TSPAN9: variants seen among roughly 807,000 people sequenced by gnomAD.
TSPAN9 encodes the protein tetraspanin 9, also known as tetraspanin-9.
Under a neutral mutation model 31.0 loss-of-function variants are expected in TSPAN9, and 16 were observed. The ratio of observed to expected loss-of-function variants is 0.52; its 90% CI spans 0.35 to 0.78. The LOEUF is 0.78. Among genes scored for constraint, TSPAN9 ranks in the 30% least tolerant of loss-of-function variants. The pLI, the probability that TSPAN9 is intolerant of heterozygous loss-of-function variation, is 0.01. For missense variants in TSPAN9, 272 were observed against 312.5 expected, an observed-to-expected ratio of 0.87 and a Z score of 0.98; for synonymous variants, 145 against 121.6, an observed-to-expected ratio of 1.19 and a Z score of -1.27.
In TSPAN9 at chr12:3,258,065, G is replaced by T. The variant is rs115146486; in HGVS notation, c.64-20356G>T. On this transcript the variant is annotated intron_variant, in intron 3 of 8. Transcript: ENST00000011898. The stretch of plus-strand genomic sequence containing the variant: ...GGTCAGCTCATGGAAGACCTTGAGT[G>T]CAGGGCAGAGGATTTGGGCTCCACT... Among the ~76,000 whole-genome samples the T allele has an allele frequency of 4.4e-3, 673 of 152,316 alleles. 7 individuals are homozygous for T. The highest frequency in any genetic ancestry group is 0.014 in the African/African-American group (595 of 41,556).
At chr12:3,232,271 GTT>G (rs61523742) in intron 3 of TSPAN9, among the ~76,000 whole-genome samples, 4 of 146,564 alleles carry the variant, frequency 2.7e-5, no homozygotes, top group Non-Finnish European at 4.5e-5. Context: ...CTTCTGTTAT[GTT>G]TTTTTTTTTT....
chr12:3,147,006 G>A lies in TSPAN9; in HGVS notation c.-17-54171G>A, dbSNP rs56255339. Among the ~76,000 whole-genome samples, 19,586 of 152,074 alleles carry A rather than the reference G, an allele frequency of 0.13. 1,525 individuals carry two copies. The highest frequency in any genetic ancestry group is 0.22 in the East Asian group (1,145 of 5,162). ...GTTTAACCACACTCACCTTTCAGTA[G>A]TATTTTGGACATCAAATGGGTAGAT... On this transcript the variant is annotated intron_variant, in intron 2 of 8. Transcript: ENST00000011898. This position sits in a 1 kb window ranked among gnomAD's most constrained non-coding sequence, Gnocchi z 4.3.
At chr12:3,120,643 G>C (rs10848808) in intron 2 of TSPAN9, among the ~76,000 whole-genome samples, 33,748 of 152,230 alleles carry the variant, frequency 0.22, 4,075 homozygotes, top group East Asian at 0.32. Flanking sequence ...CACTAGCCCA[G>C]GTTGGGCTAG....
intron 2 of TSPAN9, among the ~76,000 whole-genome samples, chr12:3,089,900 TG>T (rs2098303327): frequency 6.6e-6 from 1 of 152,098 alleles, no homozygotes; most frequent in Non-Finnish European, 1.5e-5. Context: ...AGTGAGATCC[TG>T]TCTCAAAATA....
chr12:3,164,170 G>A (rs1400618212), intron 2 of TSPAN9, among the ~76,000 whole-genome samples: 2 of 152,208 alleles, frequency 1.3e-5, no homozygotes, highest in Non-Finnish European at 2.9e-5. Flanking sequence ...ATTTAGATGA[G>A]CTTTCTCTTT....
At chr12:3,182,572 C>T (rs1297575278) in intron 2 of TSPAN9, among the ~76,000 whole-genome samples, 2 of 151,942 alleles carry the variant, frequency 1.3e-5, no homozygotes, top group Admixed American at 6.6e-5. Flanking sequence ...AACTGGCACA[C>T]GACTAGGTTG....
chr12:3,150,226 G>T (rs1450135579), intron 2 of TSPAN9, among the ~76,000 whole-genome samples: 6 of 152,258 alleles, frequency 3.9e-5, no homozygotes, highest in Non-Finnish European at 8.8e-5. Context: ...CCCTCTGCCA[G>T]TTATAGGCTT....
chr12:3,158,520 G>A (rs892958999), intron 2 of TSPAN9, among the ~76,000 whole-genome samples: 16 of 152,032 alleles, frequency 1.1e-4, no homozygotes, highest in Admixed American at 8.5e-4. Context: ...TCAGGAGTTC[G>A]AGACCAGCCT....
intron 2 of TSPAN9, chr12:3,125,159 A>C (rs2098326775): frequency 6.6e-6 from 1 of 152,230 alleles, no homozygotes; most frequent in African/African-American, 2.4e-5. Flanking sequence ...AAAAGAAGAA[A>C]GGTTAGAGGA....
At chr12:3,140,859 G>GGTGACA (rs2098334469) in intron 2 of TSPAN9, among the ~76,000 whole-genome samples, 1 of 151,996 alleles carries the variant, frequency 6.6e-6, no homozygotes, top group African/African-American at 2.4e-5. Context: ...GGTGACAGTG[G>GGTGACA]GAGGCTGAGG....
chr12:3,276,748 G>C (rs539680481), intron 3 of TSPAN9, among the ~76,000 whole-genome samples: 13 of 152,316 alleles, frequency 8.5e-5, no homozygotes, highest in African/African-American at 2.9e-4. Flanking sequence ...TCTTCGTGAA[G>C]GCAGGGTCTT....
At chr12:3,252,444 G>A (rs1862261004) in intron 3 of TSPAN9, among the ~76,000 whole-genome samples, 1 of 152,244 alleles carries the variant, frequency 6.6e-6, no homozygotes, top group Non-Finnish European at 1.5e-5. Context: ...TCTCTCCGGG[G>A]CCAGGGAGAA....
chr12:3,179,303 G>GGT (rs1225442779), intron 2 of TSPAN9, among the ~76,000 whole-genome samples: 6 of 152,154 alleles, frequency 3.9e-5, no homozygotes, highest in Admixed American at 2.0e-4. Context: ...CTCCAGGTGG[G>GGT]GTGGGGTTCA....
Position 3,187,004 on chromosome 12 carries a change from G to T in TSPAN9, c.-17-14173G>T, listed in dbSNP as rs569188875. On this transcript the variant is annotated intron_variant, in intron 2 of 8. Coordinates refer to ENST00000011898, the MANE Select transcript of TSPAN9 (RefSeq NM_006675.5). This position sits in a 1 kb window ranked among gnomAD's most constrained non-coding sequence, Gnocchi z 5.2. Reference sequence around the variant, plus strand: ...TGCCAGTAGCTTGAAATTGGCTGTGGTGGGAGTACTTACACCATGGCATTG... The same window carrying T: ...TGCCAGTAGCTTGAAATTGGCTGTGTTGGGAGTACTTACACCATGGCATTG... Among the ~76,000 whole-genome samples the T allele has an allele frequency of 2.6e-5, 4 of 152,328 alleles. No homozygotes were observed. In the East Asian group the frequency reaches 7.7e-4, roughly 29 times the overall value.
intron 3 of TSPAN9, among the ~76,000 whole-genome samples, chr12:3,217,264 G>T (rs1565617951): frequency 6.6e-6 from 1 of 152,190 alleles, no homozygotes; most frequent in East Asian, 1.9e-4. Flanking sequence ...TAGCATCCTG[G>T]GGTCCCTGAT....
At chr12:3,141,943 G>A (rs1342267723) in intron 2 of TSPAN9, among the ~76,000 whole-genome samples, 1 of 152,190 alleles carries the variant, frequency 6.6e-6, no homozygotes. Flanking sequence ...AGTTTCTCCT[G>A]TGCCCGGAAG....
At chr12:3,105,014 A>G (rs2098313574) in intron 2 of TSPAN9, among the ~76,000 whole-genome samples, 1 of 152,196 alleles carries the variant, frequency 6.6e-6, no homozygotes, top group Admixed American at 6.5e-5. Flanking sequence ...GGGTGAGGGC[A>G]GGCCCTCTGC....
At chr12:3,078,620 C>A (rs1238366880) in intron 1 of TSPAN9, among the ~76,000 whole-genome samples, 1 of 152,158 alleles carries the variant, frequency 6.6e-6, no homozygotes. Context: ...CAGACAATTA[C>A]ACCGGCTTCC....
At chr12:3,226,680 GTGTGTGTGTGTGTGTGTGTGTGTGTGTA>G (rs1565622208) in intron 3 of TSPAN9, among the ~76,000 whole-genome samples, 4 of 61,568 alleles carry the variant, frequency 6.5e-5, no homozygotes, top group Admixed American at 2.2e-4. Flanking sequence ...GTGTGTGTGT[GTGTGTGTGTGTGTGTGTGTGTGTGTGTA>G]TGTGTATGTA....
Sources: gnomAD v4.1 joint callset for allele counts (sites outside exome capture counted in the v4.1 genomes callset) on GRCh38, gnomAD v4.1.1 for gene constraint, Gnocchi (gnomAD v3.1) non-coding constraint, MANE v1.5 for transcripts, NCBI Gene and HGNC (gene_info 2026-07-23, HGNC 2026-07-21) for gene names.